Variants in EYS observed in about 807,000 individuals in gnomAD.
EYS encodes the protein protein eyes shut homolog.
Under a neutral mutation model 282.1 loss-of-function variants are expected in EYS, and 250 were observed. The observed-to-expected ratio is 0.89, with a 90% CI of 0.80 to 0.98. EYS has a LOEUF of 0.98. EYS is among the 50% of genes least tolerant of loss of function. EYS has a pLI of 0.00. For synonymous variants in EYS, 1,355 were observed against 1,282.9 expected, an observed-to-expected ratio of 1.06 and a Z score of -1.20; for missense variants, 4,016 against 3,709.0, an observed-to-expected ratio of 1.08 and a Z score of -2.15.
chr6:65,257,190 G>A (rs1767492399), intron 12 of EYS, among the ~76,000 whole-genome samples: 1 of 60,010 alleles, frequency 1.7e-5, no homozygotes, highest in South Asian at 5.5e-4. Flanking sequence ...AGATGAGTAG[G>A]TTGTGAAAAT....
intron 35 of EYS, among the ~76,000 whole-genome samples, chr6:63,971,199 A>T (rs1766553789): frequency 6.6e-6 from 1 of 152,216 alleles, no homozygotes; most frequent in Non-Finnish European, 1.5e-5. Flanking sequence ...AGGACATCTA[A>T]GTAATCTCTT....
intron 2 of EYS, among the ~76,000 whole-genome samples, chr6:65,610,235 T>A (rs1259058236): frequency 6.6e-6 from 1 of 151,926 alleles, no homozygotes; most frequent in Non-Finnish European, 1.5e-5. Flanking sequence ...TTGTTGGTGG[T>A]TTTTCTTTTT....
intron 12 of EYS, among the ~76,000 whole-genome samples, chr6:65,167,151 A>G (rs1764992310): frequency 1.3e-5 from 2 of 151,220 alleles, no homozygotes; most frequent in Non-Finnish European, 3.0e-5. Flanking sequence ...AATGTTTAAC[A>G]TAGAGGTATC....
At chr6:64,882,260 A>T (rs1008301434) in intron 19 of EYS, among the ~76,000 whole-genome samples, 1 of 151,818 alleles carries the variant, frequency 6.6e-6, no homozygotes. Flanking sequence ...CAAAACTGAT[A>T]TAACTGAATT....
chr6:65,519,371 T>C (rs1166715468), intron 2 of EYS, among the ~76,000 whole-genome samples: 2 of 151,726 alleles, frequency 1.3e-5, no homozygotes, highest in African/African-American at 4.8e-5. Context: ...TTCTCTTCAA[T>C]TGATGAGTTA....
chr6:63,805,599 T>C (rs890649862), intron 37 of EYS, among the ~76,000 whole-genome samples: 1 of 152,204 alleles, frequency 6.6e-6, no homozygotes, highest in African/African-American at 2.4e-5. Context: ...TTATGAAAGG[T>C]AGCTGATATG....
chr6:64,411,925 G>GTATATGTTTATATATGCATGCATA lies in EYS; in HGVS notation c.5928-23086_5928-23085insTATGCATGCATATATAAACATATA, dbSNP rs1561980315. 1.0e-4 allele frequency among the ~76,000 whole-genome samples: 12 copies of GTATATGTTTATATATGCATGCATA among 117,388 alleles called. 3 individuals carry two copies. Among genetic ancestry groups the GTATATGTTTATATATGCATGCATA allele is most frequent in the East Asian group, 8.6e-4 (3 of 3,500 alleles). 77.0% of individuals were successfully genotyped at this position (117,388 alleles called of 152,430 possible). A position where few individuals can be genotyped will look rare whatever the true frequency, so the allele number is the denominator to read the frequency against. On this transcript the variant is annotated intron_variant, in intron 28 of 42. Transcript: ENST00000503581. ...TATATATGTTTATATATGCATGCAT[G>GTATATGTTTATATATGCATGCATA]TATGTATATATGTTTATATATGCAT...
intron 26 of EYS, among the ~76,000 whole-genome samples, chr6:64,570,083 A>G (rs930054720): frequency 1.3e-5 from 2 of 152,256 alleles, no homozygotes; most frequent in Non-Finnish European, 2.9e-5. Flanking sequence ...CATCAGACTA[A>G]CAATGGATGT....
At chr6:65,149,302 A>C (rs1044568731) in intron 12 of EYS, among the ~76,000 whole-genome samples, 1 of 152,126 alleles carries the variant, frequency 6.6e-6, no homozygotes, top group East Asian at 1.9e-4. Flanking sequence ...TCCCAAGTTC[A>C]AAGTTCCACA....
intron 12 of EYS, among the ~76,000 whole-genome samples, chr6:65,278,864 C>A (rs1768137652): frequency 6.6e-6 from 1 of 152,002 alleles, no homozygotes; most frequent in African/African-American, 2.4e-5. Context: ...TCAGTCATGG[C>A]TCTAAGAGGG....
At chr6:63,887,093 A>G (rs1036547758) in intron 35 of EYS, among the ~76,000 whole-genome samples, 5 of 152,142 alleles carry the variant, frequency 3.3e-5, no homozygotes, top group African/African-American at 1.2e-4. Context: ...AAACACATTG[A>G]CAGAACAAGG....
intron 31 of EYS, among the ~76,000 whole-genome samples, chr6:64,096,442 G>A (rs190561816): frequency 1.6e-3 from 243 of 152,274 alleles, no homozygotes; most frequent in Admixed American, 2.7e-3. Flanking sequence ...TAGAGGCTTT[G>A]TTCATTTCTT....
chr6:64,932,433 A>G (rs1419285976), intron 15 of EYS, among the ~76,000 whole-genome samples: 1 of 152,086 alleles, frequency 6.6e-6, no homozygotes, highest in South Asian at 2.1e-4. Flanking sequence ...CAATTGCTTA[A>G]TATCACAGTG....
chr6:65,191,655 G>A (rs1361442533), intron 12 of EYS, among the ~76,000 whole-genome samples: 1 of 151,804 alleles, frequency 6.6e-6, no homozygotes, highest in Non-Finnish European at 1.5e-5. Flanking sequence ...GGGAGAGAGA[G>A]AAAACTGTGA....
At chr6:65,387,739 C>T (rs1183908148) in intron 7 of EYS, among the ~76,000 whole-genome samples, 1 of 151,940 alleles carries the variant, frequency 6.6e-6, no homozygotes, top group Non-Finnish European at 1.5e-5. Flanking sequence ...TTGAAATACT[C>T]TCATCACTTG....
At chr6:65,322,162 C>T (rs934623846) in intron 11 of EYS, among the ~76,000 whole-genome samples, 1 of 152,142 alleles carries the variant, frequency 6.6e-6, no homozygotes, top group Non-Finnish European at 1.5e-5. Context: ...AGGCAGGTCA[C>T]CTTTTTCTTC....
At chr6:65,292,455 C>G (rs1357473683) in intron 12 of EYS, among the ~76,000 whole-genome samples, 1 of 151,560 alleles carries the variant, frequency 6.6e-6, no homozygotes, top group Non-Finnish European at 1.5e-5. Context: ...TTTTGAACAC[C>G]CAACATGAAG....
intron 26 of EYS, 90 bp downstream of exon 26, chr6:64,590,133 G>C (rs1481613196): frequency 8.5e-7 from 1 of 1,177,122 alleles, no homozygotes; most frequent in Non-Finnish European, 1.2e-6. Flanking sequence ...AGGCTGTTCA[G>C]AGCACCCGGT....
intron 8 of EYS, among the ~76,000 whole-genome samples, chr6:65,379,663 G>C (rs1429583511): frequency 1.3e-5 from 2 of 151,990 alleles, no homozygotes; most frequent in Non-Finnish European, 2.9e-5. Context: ...AATAGGAAGA[G>C]AGAAAGTCAA....
Sources: gnomAD v4.1 joint callset for allele counts (sites outside exome capture counted in the v4.1 genomes callset) on GRCh38, gnomAD v4.1.1 for gene constraint, MANE v1.5 for transcripts, NCBI Gene and HGNC (gene_info 2026-07-23, HGNC 2026-07-21) for gene names.